SGPP2: variants seen among roughly 807,000 people sequenced by gnomAD.
SGPP2 encodes sphingosine-1-phosphate phosphatase 2, also known as sphingosine 1-phosphate phosphohydrolase 2.
In SGPP2, 30 loss-of-function variants were observed where a neutral mutation model predicts 33.9. That is an observed-to-expected ratio of 0.89 (90% CI 0.66 to 1.20). SGPP2 has a LOEUF of 1.20. Ranked by LOEUF, SGPP2 falls within the 50% of genes most tolerant of loss-of-function variation. SGPP2 has a pLI of 0.00. For missense variants in SGPP2, 458 were observed against 532.1 expected (o/e 0.86, Z 1.37); for synonymous variants, 233 against 225.0 (o/e 1.04, Z -0.32).
chr2:222,547,403 G>A (rs962979710), intron 4 of SGPP2, among the ~76,000 whole-genome samples: 3 of 152,062 alleles, frequency 2.0e-5, no homozygotes, highest in East Asian at 1.9e-4. Flanking sequence ...TAATTAGAAC[G>A]GTTCATATTT....
rs140612447 is a variant in SGPP2, at chr2:222,435,028, GTA to G, written c.219+10215_219+10216del. On this transcript the variant is annotated intron_variant, in intron 1 of 4. Coordinates refer to ENST00000321276, the MANE Select transcript of SGPP2 (RefSeq NM_152386.4). Reference sequence around the variant, plus strand: ...CACACACACATATGTGTATATGTGTGTATATATATGTGTATATATATACACAC... The same window carrying G: ...CACACACACATATGTGTATATGTGTGTATATATGTGTATATATATACACAC... Among the ~76,000 whole-genome samples, 20 of 140,572 alleles carry G rather than the reference GTA, an allele frequency of 1.4e-4. No homozygotes were observed. The South Asian group carries it at 1.6e-3, about 12-fold the overall frequency. The allele number at this position is 140,572 out of a possible 152,430, so 92.2% of individuals were successfully genotyped here.
At chr2:222,436,263 C>G (rs548492215) in intron 1 of SGPP2, among the ~76,000 whole-genome samples, 2 of 152,244 alleles carry the variant, frequency 1.3e-5, no homozygotes, top group Admixed American at 6.5e-5. Flanking sequence ...GACCTCTAGG[C>G]CAGCAGAACA....
At chr2:222,526,787 C>G (rs1698764930) in intron 4 of SGPP2, among the ~76,000 whole-genome samples, 1 of 152,154 alleles carries the variant, frequency 6.6e-6, no homozygotes, top group Admixed American at 6.5e-5. Flanking sequence ...ACCACATGTT[C>G]TCACTCATAA....
At chr2:222,502,124 G>C (rs1351398799) in intron 2 of SGPP2, among the ~76,000 whole-genome samples, 4 of 152,154 alleles carry the variant, frequency 2.6e-5, no homozygotes, top group Non-Finnish European at 4.4e-5. Context: ...TGTGAAGTAA[G>C]GAAATTGGCC....
intron 1 of SGPP2, among the ~76,000 whole-genome samples, chr2:222,434,506 G>A (rs74415030): frequency 6.6e-6 from 1 of 152,054 alleles, no homozygotes. Flanking sequence ...GGGGGCAGTG[G>A]TTTCCCTCAA....
intron 4 of SGPP2, among the ~76,000 whole-genome samples, chr2:222,535,233 C>G (rs1161521905): frequency 6.6e-6 from 1 of 152,082 alleles, no homozygotes; most frequent in Non-Finnish European, 1.5e-5. Flanking sequence ...CAAAAATTAG[C>G]CAGGCATGAT....
Position 222,446,109 on chromosome 2 carries a change from G to C in SGPP2, c.219+21288G>C, listed in dbSNP as rs912495555. On this transcript the variant is annotated intron_variant, in intron 1 of 4. Coordinates refer to ENST00000321276, the MANE Select transcript of SGPP2 (RefSeq NM_152386.4). ...TGAATGCTAGGTGAACACTCTGGGG[G>C]CTTATACCTAGAGAAACCAGTCATT... Among the ~76,000 whole-genome samples the C allele has an allele frequency of 5.3e-5, 8 of 152,186 alleles. No homozygotes were observed. In the East Asian group the frequency reaches 5.8e-4, roughly 11 times the overall value.
chr2:222,515,226 C>T (rs1698586277), intron 2 of SGPP2, among the ~76,000 whole-genome samples: 1 of 152,158 alleles, frequency 6.6e-6, no homozygotes, highest in African/African-American at 2.4e-5. Context: ...GGCCTCTGCC[C>T]AGGATCTCCC....
At chr2:222,454,955 G>T (rs1697549686) in intron 1 of SGPP2, among the ~76,000 whole-genome samples, 1 of 152,122 alleles carries the variant, frequency 6.6e-6, no homozygotes, top group Non-Finnish European at 1.5e-5. Context: ...TTACTGCGTG[G>T]TGGGCAGAAC....
At chr2:222,527,255 G>A (rs540772309) in intron 4 of SGPP2, among the ~76,000 whole-genome samples, 2 of 152,212 alleles carry the variant, frequency 1.3e-5, no homozygotes, top group South Asian at 2.1e-4. Context: ...ACAGAATAGT[G>A]TAAACATTTT....
At chr2:222,488,698 G>C (rs1017992903) in intron 2 of SGPP2, among the ~76,000 whole-genome samples, 6 of 152,226 alleles carry the variant, frequency 3.9e-5, no homozygotes, top group African/African-American at 1.4e-4. Context: ...AGGCATAAAG[G>C]TATGAAGAAC....
Position 222,559,962 on chromosome 2 carries a change from T to A in SGPP2, c.*1064T>A, listed in dbSNP as rs1247570095. 3 of 152,330 alleles carry A rather than the reference T, an allele frequency of 2.0e-5. No individual in the cohort carries two copies. The highest frequency in any genetic ancestry group is 7.2e-5 in the African/African-American group (3 of 41,448). The allele number at this position is 152,330 out of a possible 1,614,324, so 9.4% of individuals were successfully genotyped here. A position where few individuals can be genotyped will look rare whatever the true frequency, so the allele number is the denominator to read the frequency against. ...GCATTTTGCAGGATTCCAGGTACCA[T>A]TACCACACTCTTCTGACCCATGAAA... On this transcript the variant is annotated 3_prime_UTR_variant, in exon 5 of 5. Coordinates refer to ENST00000321276, the MANE Select transcript of SGPP2 (RefSeq NM_152386.4).
Position 222,559,900 on chromosome 2 carries a change from C to G in SGPP2, c.*1002C>G, listed in dbSNP as rs997534969. On this transcript the variant is annotated 3_prime_UTR_variant, in exon 5 of 5. Transcript: ENST00000321276. Reference sequence around the variant, plus strand: ...TGCTTTCCTTATAAGTCCTGCTGTTCATGTTGGAATAAGGATCTGCTCTTC... The same window carrying G: ...TGCTTTCCTTATAAGTCCTGCTGTTGATGTTGGAATAAGGATCTGCTCTTC... 3 of 152,246 alleles carry G rather than the reference C, an allele frequency of 2.0e-5. No homozygotes were observed. Among genetic ancestry groups the G allele is most frequent in the Non-Finnish European group, 4.4e-5 (3 of 68,086 alleles). The allele number at this position is 152,246 out of a possible 1,614,324, so 9.4% of individuals were successfully genotyped here.
chr2:222,435,003 C>G, intron 1 of SGPP2, among the ~76,000 whole-genome samples: 1 of 51,706 alleles, frequency 1.9e-5, no homozygotes, highest in Non-Finnish European at 4.2e-5. Flanking sequence ...CACACACACA[C>G]ACACACACAT....
At chr2:222,427,008 T>C (rs1231576607) in intron 1 of SGPP2, among the ~76,000 whole-genome samples, 1 of 152,218 alleles carries the variant, frequency 6.6e-6, no homozygotes, top group African/African-American at 2.4e-5. Flanking sequence ...TTCTCTGACC[T>C]TCCAGCCTAG....
At chr2:222,466,177 A>G (rs59303796) in intron 1 of SGPP2, among the ~76,000 whole-genome samples, 1,913 of 151,282 alleles carry the variant, frequency 0.013, 38 homozygotes, top group African/African-American at 0.044. Flanking sequence ...TCAACCTTAC[A>G]TCACTGAAGC....
rs1217552549 is a variant in SGPP2 at position 222,509,111 on chromosome 2, G to C, written c.379-12656G>C. 2.0e-5 allele frequency among the ~76,000 whole-genome samples: 3 copies of C among 151,702 alleles called. 1 individual carries two copies. In the East Asian group the frequency reaches 5.8e-4, roughly 29 times the overall value. Reference sequence around the variant, plus strand: ...CAGACGCTAAATAGGAGACCACAGAGCACTTTGTATTCCAAGGAGAAAAAA... The same window carrying C: ...CAGACGCTAAATAGGAGACCACAGACCACTTTGTATTCCAAGGAGAAAAAA... On this transcript the variant is annotated intron_variant, in intron 2 of 4. Coordinates refer to ENST00000321276, the MANE Select transcript of SGPP2 (RefSeq NM_152386.4).
intron 2 of SGPP2, among the ~76,000 whole-genome samples, chr2:222,517,562 C>T (rs939163017): frequency 1.3e-5 from 2 of 152,322 alleles, no homozygotes; most frequent in African/African-American, 4.8e-5. Context: ...CCTGATCCTT[C>T]CTGGACACTG....
At chr2:222,493,675 AGCATTAATATCTACAT>A (rs1698232135) in intron 2 of SGPP2, among the ~76,000 whole-genome samples, 1 of 152,364 alleles carries the variant, frequency 6.6e-6, no homozygotes, top group African/African-American at 2.4e-5. Context: ...AATTTTGTAA[AGCATTAATATCTACAT>A]TTACGTATGA....
Sources: gnomAD v4.1 joint callset for allele counts (sites outside exome capture counted in the v4.1 genomes callset) on GRCh38, gnomAD v4.1.1 for gene constraint, MANE v1.5 for transcripts, NCBI Gene and HGNC (gene_info 2026-07-23, HGNC 2026-07-21) for gene names.